SETD7: variants seen among roughly 807,000 people sequenced by gnomAD.
The protein encoded by SETD7 is histone-lysine N-methyltransferase SETD7.
SETD7 carries 16 observed loss-of-function variants against 41.8 expected under a neutral mutation model. The ratio of observed to expected loss-of-function variants is 0.38; its 90% CI spans 0.26 to 0.58. The LOEUF is 0.58. SETD7 is among the 20% of genes least tolerant of loss of function. The pLI, the probability that SETD7 is intolerant of heterozygous loss-of-function variation, is 0.64. For synonymous variants in SETD7, 163 were observed against 169.7 expected (o/e 0.96, Z 0.31); for missense variants, 346 against 459.7 (o/e 0.75, Z 2.26).
At chr4:139,523,144 C>T (rs1201687564) in intron 5 of SETD7, among the ~76,000 whole-genome samples, 1 of 152,126 alleles carries the variant, frequency 6.6e-6, no homozygotes, top group Non-Finnish European at 1.5e-5. Context: ...CTTACAGGGT[C>T]AGATTCTACA....
Position 139,533,363 on chromosome 4 carries a change from G to A in SETD7, c.174C>T (p.Thr58=), listed in dbSNP as rs755507515. The change falls in exon 3 of 8, where the codon ACC becomes ACT. Residue 58 remains threonine, a synonymous_variant. Transcript: ENST00000274031. ...RGKFFFFDGS[T]LEGYYVDDAL... is the part of the protein sequence containing the mutation. ...CATCATCCACATAATACCCCTCCAG[G>A]GTGCTGTGAGGAAAGGAAAAACAAA... is the stretch of plus-strand genomic sequence containing the variant. 8 of 1,612,970 alleles carry A rather than the reference G, an allele frequency of 5.0e-6. No individual in the cohort carries two copies. Among genetic ancestry groups the A allele is most frequent in the Non-Finnish European group, 6.8e-6 (8 of 1,179,460 alleles).
intron 7 of SETD7, among the ~76,000 whole-genome samples, chr4:139,515,757 G>A (rs377598709): frequency 6.6e-6 from 1 of 152,212 alleles, no homozygotes; most frequent in African/African-American, 2.4e-5. Context: ...CCATTTCAAG[G>A]ATGCAGGGAT....
chr4:139,522,741 C>CTTTTTTTTT (rs11357611), intron 5 of SETD7, among the ~76,000 whole-genome samples: 18 of 93,452 alleles, frequency 1.9e-4, no homozygotes, highest in African/African-American at 3.5e-4. Flanking sequence ...CCCAGCTGCT[C>CTTTTTTTTT]TTTTTTTTTT....
At chr4:139,526,134 T>G (rs1727324805) in intron 4 of SETD7, among the ~76,000 whole-genome samples, 1 of 152,142 alleles carries the variant, frequency 6.6e-6, no homozygotes, top group East Asian at 1.9e-4. Flanking sequence ...CACTGCAACC[T>G]CCACTTCCCA....
intron 7 of SETD7, among the ~76,000 whole-genome samples, chr4:139,500,865 G>A (rs1200954937): frequency 6.6e-6 from 1 of 152,008 alleles, no homozygotes. Flanking sequence ...TAGTTTTCGG[G>A]GCCCCTGTAG....
intron 2 of SETD7, among the ~76,000 whole-genome samples, chr4:139,534,587 G>T (rs1027832117): frequency 3.9e-5 from 6 of 151,926 alleles, no homozygotes; most frequent in African/African-American, 1.2e-4. Flanking sequence ...ATGAGGTTTT[G>T]TCATGTTACG....
At chr4:139,545,045 G>A (rs1386599607) in intron 2 of SETD7, among the ~76,000 whole-genome samples, 1 of 151,820 alleles carries the variant, frequency 6.6e-6, no homozygotes, top group Non-Finnish European at 1.5e-5. Context: ...CTTGTTGAAC[G>A]AATAAAAAAA....
At chr4:139,500,284 C>T (rs1321160361) in intron 7 of SETD7, among the ~76,000 whole-genome samples, 2 of 152,172 alleles carry the variant, frequency 1.3e-5, no homozygotes, top group African/African-American at 4.8e-5. Context: ...GCCCCTCTGT[C>T]CTGCCCACCA....
chr4:139,511,910 G>A, intron 7 of SETD7, 67 bp from the exon 8 acceptor site: 1 of 1,541,736 alleles, frequency 6.5e-7, no homozygotes, highest in Non-Finnish European at 8.7e-7. Context: ...AGGCTAGGGA[G>A]GGGCTGATAC....
At chr4:139,552,272 A>C (rs888551494) in intron 1 of SETD7, among the ~76,000 whole-genome samples, 7 of 152,176 alleles carry the variant, frequency 4.6e-5, no homozygotes, top group Admixed American at 1.3e-4. Flanking sequence ...AATATTCTTA[A>C]TATTTTGAAG....
chr4:139,522,531 C>A (rs1468375471), intron 5 of SETD7, among the ~76,000 whole-genome samples: 1 of 152,154 alleles, frequency 6.6e-6, no homozygotes, highest in Non-Finnish European at 1.5e-5. Context: ...CTTTGTTTCA[C>A]TCTTGTCTTC....
intron 3 of SETD7, among the ~76,000 whole-genome samples, chr4:139,529,446 G>A (rs1727422131): frequency 6.6e-6 from 1 of 152,208 alleles, no homozygotes; most frequent in African/African-American, 2.4e-5. Context: ...TTTGGGGCAT[G>A]TATGCCTGAT....
rs1375200880 is a variant in SETD7, at chr4:139,555,615, A to ACGGGGC, written c.40+477_40+482dup. Among the ~76,000 whole-genome samples, 1 of 151,880 alleles carries ACGGGGC rather than the reference A, an allele frequency of 6.6e-6. No homozygotes were observed. The highest frequency in any genetic ancestry group is 1.5e-5 in the Non-Finnish European group (1 of 67,916). On this transcript the variant is annotated intron_variant, in intron 1 of 7. Coordinates refer to ENST00000274031, the MANE Select transcript of SETD7 (RefSeq NM_030648.4). The surrounding 1 kb of genome is among the most constrained non-coding windows in gnomAD (Gnocchi z 4.0). ...GCGCTGCGCCGGGGGACCTACCCGG[A>ACGGGGC]CGGGGCCGCGGCCGCCGCGGGGCGC...
At chr4:139,496,685 G>T (rs1296693695) in intron 7 of SETD7, among the ~76,000 whole-genome samples, 1 of 152,122 alleles carries the variant, frequency 6.6e-6, no homozygotes, top group Non-Finnish European at 1.5e-5. Context: ...ACTTTTCACT[G>T]GGTCAGAGGC....
chr4:139,555,987 G>A lies in SETD7; in HGVS notation c.40+111C>T, dbSNP rs1190412416. ...AGCCGGGCAACCGGCCACCCGTGTAGGGGACAGTGGCGGCCGCGGGGCCCG... is the reference window on the plus strand; with the variant it reads ...AGCCGGGCAACCGGCCACCCGTGTAAGGGACAGTGGCGGCCGCGGGGCCCG... On this transcript the variant is annotated intron_variant, in intron 1 of 7. Coordinates refer to ENST00000274031, the MANE Select transcript of SETD7 (RefSeq NM_030648.4). This position sits in a 1 kb window ranked among gnomAD's most constrained non-coding sequence, Gnocchi z 4.0. 1 of 1,115,074 alleles carries A rather than the reference G, an allele frequency of 9.0e-7. No homozygotes were observed. The highest frequency in any genetic ancestry group is 1.2e-6 in the Non-Finnish European group (1 of 817,608). The allele number at this position is 1,115,074 out of a possible 1,614,324, so 69.1% of individuals were successfully genotyped here.
chr4:139,509,932 A>G lies in SETD7; in HGVS notation c.*1731T>C. The G allele has an allele frequency of 1.0e-6, 1 of 977,808 alleles. No homozygotes were observed. The highest frequency in any genetic ancestry group is 4.7e-5 in the South Asian group (1 of 21,150). The allele number at this position is 977,808 out of a possible 1,614,324, so 60.6% of individuals were successfully genotyped here. On this transcript the variant is annotated 3_prime_UTR_variant, in exon 8 of 8. Transcript: ENST00000274031. ...CTGAAACCACTGCCACCTAGCTGCA[A>G]AGCATGCAACCGGGTGCTCTAGGAA...
chr4:139,503,329 C>T (rs1726625544), downstream of SETD7, among the ~76,000 whole-genome samples: 1 of 151,888 alleles, frequency 6.6e-6, no homozygotes. Context: ...TTGGCCTTAA[C>T]CCCTGGAGAG....
intron 1 of SETD7, among the ~76,000 whole-genome samples, chr4:139,547,689 G>A (rs540066285): frequency 6.6e-6 from 1 of 152,276 alleles, no homozygotes; most frequent in African/African-American, 2.4e-5. Flanking sequence ...TACAAACACA[G>A]AAACCCAGAG....
At chr4:139,498,148 A>G (rs1030728086) in intron 7 of SETD7, among the ~76,000 whole-genome samples, 5 of 152,182 alleles carry the variant, frequency 3.3e-5, no homozygotes, top group African/African-American at 9.7e-5. Flanking sequence ...ACTTCCTATT[A>G]TATTAAAGCA....
Sources: allele counts gnomAD v4.1 joint callset (sites outside exome capture counted in the v4.1 genomes callset), GRCh38; gene constraint gnomAD v4.1.1; non-coding constraint Gnocchi (gnomAD v3.1); transcripts MANE v1.5; gene names NCBI Gene and HGNC (gene_info 2026-07-23, HGNC 2026-07-21).